PTPRD: variants seen among roughly 807,000 people sequenced by gnomAD.
The protein encoded by PTPRD is receptor-type tyrosine-protein phosphatase delta.
PTPRD carries 34 observed loss-of-function variants against 214.5 expected under a neutral mutation model. That is an observed-to-expected ratio of 0.16 (90% confidence interval 0.12 to 0.21). The LOEUF (loss-of-function observed/expected upper bound fraction) is 0.21. Among genes scored for constraint, PTPRD ranks in the 10% least tolerant of loss-of-function variants. The pLI, the probability that PTPRD is intolerant of heterozygous loss-of-function variation, is 1.00. For missense variants in PTPRD, 2,545 were observed against 2,398.7 expected (o/e 1.06, Z -1.27); for synonymous variants, 1,128 against 845.7 (o/e 1.33, Z -5.79).
At chr9:9,019,301 A>AAAG (rs2099551197) in intron 10 of PTPRD, among the ~76,000 whole-genome samples, 2 of 70,690 alleles carry the variant, frequency 2.8e-5, no homozygotes, top group Non-Finnish European at 5.9e-5. Context: ...AGAAAGAAAG[A>AAAG]AAGAAAGAAA....
At position 8,925,877 on chromosome 9, in the gene PTPRD, T is replaced by TA. The variant is rs1555530703; in HGVS notation, c.-104+92819dup. On this transcript the variant is annotated intron_variant, in intron 11 of 45. Transcript: ENST00000381196. The stretch of plus-strand genomic sequence containing the variant: ...TGCAATATTTTTTTTTTTTTTTTTT[T>TA]ACTGATCTCTTGCTTTCAAGTTTGT... Among the ~76,000 whole-genome samples, 70 of 149,702 alleles carry TA rather than the reference T, an allele frequency of 4.7e-4. 2 individuals carry two copies. Among genetic ancestry groups the TA allele is most frequent in the South Asian group, 1.1e-3 (5 of 4,752 alleles).
chr9:9,542,761 T>C (rs1258917716), intron 8 of PTPRD, among the ~76,000 whole-genome samples: 1 of 151,738 alleles, frequency 6.6e-6, no homozygotes, highest in African/African-American at 2.4e-5. Flanking sequence ...CACAATGAGA[T>C]GACATTTCAG....
chr9:10,311,203 T>G (rs1443586997), intron 3 of PTPRD, among the ~76,000 whole-genome samples: 1 of 152,034 alleles, frequency 6.6e-6, no homozygotes, highest in African/African-American at 2.4e-5. Context: ...TTACTTATAC[T>G]GTCTTAACTT....
At chr9:9,419,126 T>TACACAC (rs1367814167) in intron 8 of PTPRD, among the ~76,000 whole-genome samples, 14 of 69,234 alleles carry the variant, frequency 2.0e-4, no homozygotes, top group Middle Eastern at 7.0e-3. Context: ...ATAGGCCCCT[T>TACACAC]ATACACACAC....
intron 2 of PTPRD, among the ~76,000 whole-genome samples, chr9:10,555,212 C>T (rs574277130): frequency 1.3e-5 from 2 of 152,164 alleles, no homozygotes; most frequent in African/African-American, 4.8e-5. Flanking sequence ...CTATATTATC[C>T]AATTTTTACA....
At chr9:10,317,857 T>C (rs1470178540) in intron 3 of PTPRD, among the ~76,000 whole-genome samples, 1 of 152,048 alleles carries the variant, frequency 6.6e-6, no homozygotes, top group African/African-American at 2.4e-5. Flanking sequence ...ATGTGATACA[T>C]ATGTATAATG....
In PTPRD at chr9:8,315,687, A is replaced by G. The variant is rs1346943737; in HGVS notation, c.*2187T>C. ...TTGTTTTTTACAAAAGTGCTCAAATACAATGCTTGCAAATGTTTGGTCTCT... is the reference window on the plus strand; with the variant it reads ...TTGTTTTTTACAAAAGTGCTCAAATGCAATGCTTGCAAATGTTTGGTCTCT... On this transcript the variant is annotated 3_prime_UTR_variant, in exon 46 of 46. Coordinates refer to ENST00000381196, the MANE Select transcript of PTPRD (RefSeq NM_002839.4). 1 of 228,284 alleles carries G rather than the reference A, an allele frequency of 4.4e-6. No homozygotes were observed. The highest frequency in any genetic ancestry group is 8.7e-6 in the Non-Finnish European group (1 of 114,874). 14.1% of individuals were successfully genotyped at this position (228,284 alleles called of 1,614,324 possible). A position where few individuals can be genotyped will look rare whatever the true frequency, so the allele number is the denominator to read the frequency against.
chr9:8,682,107 A>G (rs143691845), intron 12 of PTPRD, among the ~76,000 whole-genome samples: 6 of 152,346 alleles, frequency 3.9e-5, no homozygotes, highest in African/African-American at 1.4e-4. Context: ...AGCGATATAG[A>G]CACCTTTGTC....
intron 11 of PTPRD, among the ~76,000 whole-genome samples, chr9:8,800,322 T>A (rs551769724): frequency 6.6e-6 from 1 of 152,228 alleles, no homozygotes; most frequent in East Asian, 1.9e-4. Flanking sequence ...AACTCCATCT[T>A]GAATAGGGGC....
intron 11 of PTPRD, among the ~76,000 whole-genome samples, chr9:8,798,004 A>G (rs547215523): frequency 6.6e-6 from 1 of 152,110 alleles, no homozygotes; most frequent in Admixed American, 6.6e-5. Flanking sequence ...AACAGAATCT[A>G]TCTTGCAAGA....
At chr9:9,543,418 C>A (rs987948436) in intron 8 of PTPRD, among the ~76,000 whole-genome samples, 4 of 151,514 alleles carry the variant, frequency 2.6e-5, no homozygotes, top group Non-Finnish European at 5.9e-5. Flanking sequence ...TTGCTAAATT[C>A]TCTGGGCTTC....
intron 2 of PTPRD, among the ~76,000 whole-genome samples, chr9:10,453,130 T>C (rs372209889): frequency 4.0e-5 from 6 of 151,572 alleles, no homozygotes; most frequent in East Asian, 3.9e-4. Flanking sequence ...GTTGCCCATA[T>C]ATAGATGATT....
At chr9:9,880,648 G>C (rs753086982) in intron 5 of PTPRD, among the ~76,000 whole-genome samples, 8 of 152,218 alleles carry the variant, frequency 5.3e-5, no homozygotes, top group South Asian at 2.1e-4. Flanking sequence ...TTGTGTGCTT[G>C]TGTGTGATAA....
At chr9:10,558,915 G>A (rs930842096) in intron 2 of PTPRD, among the ~76,000 whole-genome samples, 2 of 152,100 alleles carry the variant, frequency 1.3e-5, no homozygotes, top group African/African-American at 2.4e-5. Flanking sequence ...ATCTTGTTAG[G>A]AATTATGTTT....
At chr9:8,809,239 G>C (rs977184805) in intron 11 of PTPRD, among the ~76,000 whole-genome samples, 2 of 152,104 alleles carry the variant, frequency 1.3e-5, no homozygotes, top group Admixed American at 6.6e-5. Context: ...TATATTCAGA[G>C]ACTGAAACAA....
intron 10 of PTPRD, among the ~76,000 whole-genome samples, chr9:9,039,766 AG>A (rs1438838325): frequency 6.6e-6 from 1 of 152,220 alleles, no homozygotes; most frequent in African/African-American, 2.4e-5. Context: ...GTACTGGGAA[AG>A]TAAGAGCTTG....
At chr9:8,612,445 GTAGA>G (rs2154291768) in intron 14 of PTPRD, among the ~76,000 whole-genome samples, 1 of 152,332 alleles carries the variant, frequency 6.6e-6, no homozygotes, top group South Asian at 2.1e-4. Context: ...GAGTGAAACT[GTAGA>G]TAGATCATTT....
At chr9:10,134,011 G>T in intron 3 of PTPRD, among the ~76,000 whole-genome samples, 1 of 152,034 alleles carries the variant, frequency 6.6e-6, no homozygotes, top group Non-Finnish European at 1.5e-5. Flanking sequence ...GGAATATTTT[G>T]TTGAGGGAGC....
intron 8 of PTPRD, among the ~76,000 whole-genome samples, chr9:9,413,365 C>G (rs1475595576): frequency 6.6e-6 from 1 of 151,592 alleles, no homozygotes; most frequent in Non-Finnish European, 1.5e-5. Context: ...CCACCCGCCT[C>G]GGCCTCCCAA....
Sources: gnomAD v4.1 joint callset for allele counts (sites outside exome capture counted in the v4.1 genomes callset) on GRCh38, gnomAD v4.1.1 for gene constraint, MANE v1.5 for transcripts, NCBI Gene and HGNC (gene_info 2026-07-23, HGNC 2026-07-21) for gene names.